SBF2: variants seen among roughly 807,000 people sequenced by gnomAD.
SBF2 encodes myotubularin-related protein 13.
In SBF2, 112 loss-of-function variants were observed where a neutral mutation model predicts 225.2. That is an observed-to-expected ratio of 0.50 (90% CI 0.43 to 0.58). The LOEUF is 0.58. Ranked by LOEUF, SBF2 falls within the 20% of genes least tolerant of loss-of-function variation. SBF2 has a pLI of 0.00. For missense variants in SBF2, 1,996 were observed against 2,206.2 expected, an observed-to-expected ratio of 0.90 and a Z score of 1.91; for synonymous variants, 763 against 773.3, an observed-to-expected ratio of 0.99 and a Z score of 0.22.
chr11:9,932,261 A>G (rs1435317935), intron 16 of SBF2, among the ~76,000 whole-genome samples: 2 of 152,172 alleles, frequency 1.3e-5, no homozygotes, highest in African/African-American at 4.8e-5. Context: ...CCAACATTCA[A>G]ATTCAGGAAA....
At chr11:9,993,536 A>T (rs1947534135) in intron 10 of SBF2, among the ~76,000 whole-genome samples, 1 of 152,190 alleles carries the variant, frequency 6.6e-6, no homozygotes, top group African/African-American at 2.4e-5. Context: ...TTCAAACTTG[A>T]TTCTCTCCTA....
chr11:9,980,002 G>T (rs1946873821), intron 13 of SBF2, among the ~76,000 whole-genome samples: 1 of 150,040 alleles, frequency 6.7e-6, no homozygotes, highest in Non-Finnish European at 1.5e-5. Flanking sequence ...TTTTTTTCAA[G>T]ACAGAGTCTT....
intron 18 of SBF2, among the ~76,000 whole-genome samples, chr11:9,857,066 C>T (rs749531955): frequency 2.6e-5 from 4 of 152,160 alleles, no homozygotes; most frequent in Non-Finnish European, 4.4e-5. Flanking sequence ...GGATTACAGG[C>T]GTGAGCAACC....
intron 1 of SBF2, among the ~76,000 whole-genome samples, chr11:10,222,272 A>T (rs1467448105): frequency 6.6e-6 from 1 of 152,216 alleles, no homozygotes; most frequent in Non-Finnish European, 1.5e-5. Flanking sequence ...ATCAGGAAAA[A>T]GTGGCCAAGT....
intron 14 of SBF2, among the ~76,000 whole-genome samples, chr11:9,967,933 CTGTCTGTCTGTCTG>C (rs1867038711): frequency 8.5e-6 from 1 of 117,490 alleles, no homozygotes; most frequent in South Asian, 2.9e-4. Context: ...GTCTGTCTGT[CTGTCTGTCTGTCTG>C]TCTCTCTCTC....
chr11:10,029,723 A>G (rs1170557386), intron 5 of SBF2, 42 bp downstream of exon 5: 2 of 1,194,354 alleles, frequency 1.7e-6, no homozygotes, highest in Non-Finnish European at 2.5e-6. Context: ...GGAGAGGGGA[A>G]GAGGAACAAT....
chr11:10,270,842 A>G (rs1043035106), intron 1 of SBF2, among the ~76,000 whole-genome samples: 4 of 151,878 alleles, frequency 2.6e-5, no homozygotes, highest in Non-Finnish European at 5.9e-5. Context: ...AAAACGGAAA[A>G]AAGTTAGCCA....
chr11:10,291,499 G>C lies in SBF2; in HGVS notation c.55+2516C>G, dbSNP rs1476739377. ...CAGCCCGAATGGACTAAGGCAAATA[G>C]TAACAGAATATAATCCGCGAGCTCC... is the stretch of plus-strand genomic sequence containing the variant. On this transcript the variant is annotated intron_variant, in intron 1 of 39. Coordinates refer to ENST00000256190, the MANE Select transcript of SBF2 (RefSeq NM_030962.4). Among the ~76,000 whole-genome samples the C allele has an allele frequency of 2.0e-5, 3 of 152,194 alleles. No homozygotes were observed. In the East Asian group the frequency reaches 5.8e-4, roughly 29 times the overall value.
chr11:9,910,138 T>C (rs140786866), intron 16 of SBF2, among the ~76,000 whole-genome samples: 56 of 152,308 alleles, frequency 3.7e-4, no homozygotes, highest in African/African-American at 1.3e-3. Context: ...AATTCAACTA[T>C]AGTCACGTGG....
At chr11:10,274,342 T>G (rs1474635691) in intron 1 of SBF2, among the ~76,000 whole-genome samples, 1 of 152,216 alleles carries the variant, frequency 6.6e-6, no homozygotes, top group Non-Finnish European at 1.5e-5. Flanking sequence ...TCTGAAGAGA[T>G]ATGTACTACA....
intron 6 of SBF2, among the ~76,000 whole-genome samples, chr11:10,020,548 T>C (rs371580975): frequency 1.4e-4 from 22 of 152,318 alleles, no homozygotes; most frequent in African/African-American, 5.1e-4. Flanking sequence ...CCTTTTGTTC[T>C]AGCTCTAAAG....
chr11:10,140,544 G>A (rs1384264327), intron 2 of SBF2, among the ~76,000 whole-genome samples: 1 of 152,190 alleles, frequency 6.6e-6, no homozygotes, highest in Non-Finnish European at 1.5e-5. Context: ...TCCTATGTGT[G>A]TCTTGCATTT....
intron 36 of SBF2, among the ~76,000 whole-genome samples, chr11:9,787,272 T>C (rs1852435976): frequency 6.6e-6 from 1 of 152,240 alleles, no homozygotes; most frequent in Non-Finnish European, 1.5e-5. Context: ...TAGCATATTT[T>C]GTTGTTTTAA....
At position 9,994,577 on chromosome 11, in the gene SBF2, C is replaced by CATATATATATATATATAT. The variant is rs377348270; in HGVS notation, c.976-580_976-579insATATATATATATATATAT. Among the ~76,000 whole-genome samples, 76 of 134,112 alleles carry CATATATATATATATATAT rather than the reference C, an allele frequency of 5.7e-4. 2 individuals are homozygous for CATATATATATATATATAT. The South Asian group carries it at 7.0e-3, about 12-fold the overall frequency. 88.0% of individuals were successfully genotyped at this position (134,112 alleles called of 152,430 possible). A position where few individuals can be genotyped will look rare whatever the true frequency, so the allele number is the denominator to read the frequency against. ...AATAAACCCTAAATCTATATATGTA[C>CATATATATATATATATAT]ATATATATATATATATGAAAATGAA... On this transcript the variant is annotated intron_variant, in intron 9 of 39. Coordinates refer to ENST00000256190, the MANE Select transcript of SBF2 (RefSeq NM_030962.4).
At chr11:9,933,794 A>G (rs1864678878) in intron 16 of SBF2, among the ~76,000 whole-genome samples, 1 of 152,248 alleles carries the variant, frequency 6.6e-6, no homozygotes, top group Non-Finnish European at 1.5e-5. Context: ...GCAGAAGGCA[A>G]GAAATAACTA....
chr11:10,096,889 C>A (rs536111231), intron 2 of SBF2, among the ~76,000 whole-genome samples: 135 of 151,936 alleles, frequency 8.9e-4, no homozygotes, highest in African/African-American at 3.1e-3. Context: ...CAGGCAGCAA[C>A]AATAGAAATT....
chr11:9,839,428 T>TG (rs1855951244), intron 26 of SBF2, 70 bp downstream of exon 26: 9 of 1,430,942 alleles, frequency 6.3e-6, no homozygotes, highest in Non-Finnish European at 7.9e-6. Context: ...TGGATGCAAA[T>TG]GGCCTATTAA....
chr11:10,084,642 T>C (rs925868785), intron 2 of SBF2, among the ~76,000 whole-genome samples: 1 of 152,232 alleles, frequency 6.6e-6, no homozygotes, highest in Non-Finnish European at 1.5e-5. Flanking sequence ...TGTATGTTTA[T>C]TGTAGCACTA....
chr11:10,049,501 G>C (rs1167305327), intron 2 of SBF2, among the ~76,000 whole-genome samples: 1 of 152,030 alleles, frequency 6.6e-6, no homozygotes, highest in African/African-American at 2.4e-5. Flanking sequence ...CAGCTACTTG[G>C]GAGGCTGAGA....
Sources: allele counts gnomAD v4.1 joint callset (sites outside exome capture counted in the v4.1 genomes callset), GRCh38; gene constraint gnomAD v4.1.1; transcripts MANE v1.5; gene names NCBI Gene and HGNC (gene_info 2026-07-23, HGNC 2026-07-21).